The following SSU72 variants were observed in gnomAD, a reference collection of about 807,000 sequenced individuals.
SSU72 encodes the protein RNA polymerase II subunit A C-terminal domain phosphatase SSU72.
Under a neutral mutation model 22.7 loss-of-function variants are expected in SSU72, and 12 were observed. The observed-to-expected ratio is 0.53, with a 90% CI of 0.34 to 0.86. SSU72 has a LOEUF of 0.86. Ranked by LOEUF, SSU72 falls within the 40% of genes least tolerant of loss-of-function variation. The probability of loss-of-function intolerance (pLI) is 0.02; values close to 1 mark genes in which losing one functional copy is unlikely to be tolerated. For synonymous variants in SSU72, 116 were observed against 98.3 expected (o/e 1.18, Z -1.06); for missense variants, 151 against 249.8 (o/e 0.60, Z 2.67).
chr1:1,560,971 G>A (rs1483570669), intron 2 of SSU72: 1 of 152,254 alleles, frequency 6.6e-6, no homozygotes, highest in Non-Finnish European at 1.5e-5. Flanking sequence ...GGCATGCACA[G>A]AGAAACCTAA....
chr1:1,556,317 C>T (rs747918384), intron 2 of SSU72, among the ~76,000 whole-genome samples: 4 of 152,170 alleles, frequency 2.6e-5, no homozygotes, highest in Non-Finnish European at 5.9e-5. Context: ...CCTGTAGTCC[C>T]AGCTACTTGG....
At chr1:1,562,381 G>A (rs1397747007) in intron 2 of SSU72, 1 of 152,284 alleles carries the variant, frequency 6.6e-6, no homozygotes, top group African/African-American at 2.4e-5. Flanking sequence ...TGAATCATGA[G>A]ATGAGACAAA....
chr1:1,541,932 C>T lies in SSU72; in HGVS notation c.*134G>A, dbSNP rs1038446202. On this transcript the variant is annotated 3_prime_UTR_variant, in exon 5 of 5. Transcript: ENST00000291386. Reference sequence around the variant, plus strand: ...ATCTGGCGTTTTGGCATCTCCTCTCCCATTTCATATGCACAGTTTATTTGG... The same window carrying T: ...ATCTGGCGTTTTGGCATCTCCTCTCTCATTTCATATGCACAGTTTATTTGG... 1.3e-6 allele frequency: 1 copy of T among 774,982 alleles called. No individual in the cohort carries two copies. Among genetic ancestry groups the T allele is most frequent in the Non-Finnish European group, 2.1e-6 (1 of 483,534 alleles). 48.0% of individuals were successfully genotyped at this position (774,982 alleles called of 1,614,324 possible).
At chr1:1,574,325 T>C (rs1343895255) in intron 1 of SSU72, among the ~76,000 whole-genome samples, 153 bp downstream of exon 1, 1 of 152,050 alleles carries the variant, frequency 6.6e-6, no homozygotes, top group Admixed American at 6.5e-5. Context: ...CTACGCGCGC[T>C]GCCGTCCAGC....
chr1:1,553,619 C>CAAAAAAAAA, intron 2 of SSU72, among the ~76,000 whole-genome samples: 172 of 98,456 alleles, frequency 1.7e-3, no homozygotes, highest in Middle Eastern at 5.9e-3. Context: ...ACTAAAAATA[C>CAAAAAAAAA]AAAAAAAAAA....
At chr1:1,553,546 CCAG>C (rs955734513) in intron 2 of SSU72, among the ~76,000 whole-genome samples, 2 of 150,518 alleles carry the variant, frequency 1.3e-5, no homozygotes, top group Non-Finnish European at 2.9e-5. Flanking sequence ...GAGGCTGAGG[CCAG>C]CAGATCATAA....
chr1:1,557,677 A>G (rs1642537456), intron 2 of SSU72, among the ~76,000 whole-genome samples: 1 of 150,218 alleles, frequency 6.7e-6, no homozygotes, highest in South Asian at 2.1e-4. Flanking sequence ...CCGCACCTGT[A>G]ATCCCAGCTA....
At chr1:1,558,204 TAAA>T (rs3073299) in intron 2 of SSU72, among the ~76,000 whole-genome samples, 2 of 126,244 alleles carry the variant, frequency 1.6e-5, no homozygotes, top group Non-Finnish European at 1.6e-5. Context: ...CTGTCTCAAT[TAAA>T]AAAAAAAAAA....
chr1:1,573,494 G>A (rs1000033034), intron 1 of SSU72, among the ~76,000 whole-genome samples: 5 of 150,222 alleles, frequency 3.3e-5, no homozygotes, highest in African/African-American at 9.7e-5. Context: ...AGCAGATCAT[G>A]AACACTTGAC....
At chr1:1,543,602 T>TCTGTCACAGCCTCGGCCACTCCCCA (rs1642352155) in intron 4 of SSU72, among the ~76,000 whole-genome samples, 1 of 109,908 alleles carries the variant, frequency 9.1e-6, no homozygotes, top group African/African-American at 4.6e-5. Flanking sequence ...GCCACTCCCC[T>TCTGTCACAGCCTCGGCCACTCCCCA]CTGTCACGGC....
intron 2 of SSU72, chr1:1,560,872 C>A (rs554920469): frequency 6.6e-6 from 1 of 152,204 alleles, no homozygotes; most frequent in Admixed American, 6.5e-5. Context: ...GGACAACTGG[C>A]CAAAATTTAT....
chr1:1,564,820 G>A lies in SSU72; in HGVS notation c.177C>T (p.Thr59=), dbSNP rs768046482. ...GATCATTGTACATCTGGTCATATGT[G>A]GTTTTGAAATCATAAACATTGGGCT... ...PDKPNVYDFK[T]TYDQMYNDLL... Residue 59 remains threonine (T), a synonymous_variant, in exon 2 of 5, where the codon ACC becomes ACT. Coordinates refer to ENST00000291386, the MANE Select transcript of SSU72 (RefSeq NM_014188.3). The A allele has an allele frequency of 1.2e-5, 19 of 1,614,124 alleles. No individual in the cohort carries two copies. The highest frequency in any genetic ancestry group is 1.6e-5 in the Non-Finnish European group (19 of 1,180,032).
chr1:1,573,759 G>A (rs868391870), intron 1 of SSU72, among the ~76,000 whole-genome samples: 2 of 152,146 alleles, frequency 1.3e-5, no homozygotes, highest in African/African-American at 2.4e-5. Flanking sequence ...AGGTAAAAAA[G>A]CCATTTCAAC....
chr1:1,552,046 G>A (rs1202235480), intron 2 of SSU72, among the ~76,000 whole-genome samples: 1 of 152,220 alleles, frequency 6.6e-6, no homozygotes, highest in Non-Finnish European at 1.5e-5. Context: ...GAAACCGAGT[G>A]TGAGGCTGAC....
intron 2 of SSU72, among the ~76,000 whole-genome samples, chr1:1,557,747 G>A (rs1378952960): frequency 2.6e-5 from 4 of 151,810 alleles, no homozygotes; most frequent in African/African-American, 7.3e-5. Context: ...GCAGTGAGCC[G>A]AGATCACGCC....
At position 1,542,015 on chromosome 1, in the gene SSU72, A is replaced by G. The variant is rs999522103; in HGVS notation, c.*51T>C. ...AGTAAAAACAAATGTCAGGAAGGAA[A>G]AAGTATGAACAACAGGAAGCTCCAG... On this transcript the variant is annotated 3_prime_UTR_variant, in exon 5 of 5. Coordinates refer to ENST00000291386, the MANE Select transcript of SSU72 (RefSeq NM_014188.3). This position sits in a 1 kb window ranked among gnomAD's most constrained non-coding sequence, Gnocchi z 4.4. 3 of 1,521,564 alleles carry G rather than the reference A, an allele frequency of 2.0e-6. No homozygotes were observed. Among genetic ancestry groups the G allele is most frequent in the Admixed American group, 3.9e-5 (2 of 50,634 alleles). The allele number at this position is 1,521,564 out of a possible 1,614,324, so 94.3% of individuals were successfully genotyped here.
At position 1,573,266 on chromosome 1, in the gene SSU72, A is replaced by AAAG. The variant is rs1491462498; in HGVS notation, c.80+1211_80+1212insCTT. On this transcript the variant is annotated intron_variant, in intron 1 of 4. Transcript: ENST00000291386. ...GAAACTCCGTCTCTACTAAAAATAC[A>AAAG]AAAAAAAAAAAAAATTAGCCGTGCC... Among the ~76,000 whole-genome samples the AAAG allele has an allele frequency of 1.5e-4, 6 of 40,782 alleles. No homozygotes were observed. In the East Asian group the frequency reaches 0.059, roughly 400 times the overall value. The allele number at this position is 40,782 out of a possible 152,430, so 26.8% of individuals were successfully genotyped here. A position where few individuals can be genotyped will look rare whatever the true frequency, so the allele number is the denominator to read the frequency against.
At chr1:1,559,139 G>A (rs1642554616) in intron 2 of SSU72, among the ~76,000 whole-genome samples, 1 of 152,238 alleles carries the variant, frequency 6.6e-6, no homozygotes, top group African/African-American at 2.4e-5. Flanking sequence ...GAAAAGTCAT[G>A]GCAAAGAAAC....
chr1:1,559,178 C>T (rs1207197336), intron 2 of SSU72, among the ~76,000 whole-genome samples: 6 of 152,182 alleles, frequency 3.9e-5, no homozygotes, highest in Non-Finnish European at 8.8e-5. Context: ...TCCACGCATG[C>T]TCAGCGAAAG....
Sources: allele counts gnomAD v4.1 joint callset (sites outside exome capture counted in the v4.1 genomes callset), GRCh38; gene constraint gnomAD v4.1.1; non-coding constraint Gnocchi (gnomAD v3.1); transcripts MANE v1.5; gene names NCBI Gene and HGNC (gene_info 2026-07-23, HGNC 2026-07-21).